LDAH: variants seen among roughly 807,000 people sequenced by gnomAD.
LDAH encodes lipid droplet-associated hydrolase.
LDAH carries 26 observed loss-of-function variants against 29.6 expected under a neutral mutation model. That is an observed-to-expected ratio of 0.88 (90% confidence interval 0.64 to 1.22). LDAH has a LOEUF of 1.22. Ranked by LOEUF, LDAH falls within the 50% of genes most tolerant of loss-of-function variation. The pLI is 0.00. For missense variants in LDAH, 344 were observed against 387.3 expected, an observed-to-expected ratio of 0.89 and a Z score of 0.94; for synonymous variants, 117 against 133.0, an observed-to-expected ratio of 0.88 and a Z score of 0.83.
chr2:20,740,514 G>A (rs1278166723), intron 4 of LDAH, among the ~76,000 whole-genome samples: 1 of 152,032 alleles, frequency 6.6e-6, no homozygotes, highest in African/African-American at 2.4e-5. Flanking sequence ...TCCCTGTGTT[G>A]CCCAGGCTGG....
At chr2:20,713,845 T>A (rs184097586) in intron 5 of LDAH, among the ~76,000 whole-genome samples, 5 of 152,140 alleles carry the variant, frequency 3.3e-5, no homozygotes, top group African/African-American at 9.7e-5. Flanking sequence ...CCTAAATATA[T>A]ATGCAACCAA....
At chr2:20,820,030 C>A (rs1098152) in intron 1 of LDAH, among the ~76,000 whole-genome samples, 1 of 150,430 alleles carries the variant, frequency 6.6e-6, no homozygotes, top group South Asian at 2.1e-4. Flanking sequence ...TCAAAGAGAA[C>A]AAAATACCTA....
At chr2:20,801,506 T>C in intron 1 of LDAH, 41 bp from the exon 2 acceptor site, 1 of 1,559,690 alleles carries the variant, frequency 6.4e-7, no homozygotes, top group Non-Finnish European at 8.8e-7. Context: ...GTCAGTAAAA[T>C]GTAAAACCTT....
At chr2:20,803,757 T>C (rs1368467598) in intron 1 of LDAH, among the ~76,000 whole-genome samples, 1 of 152,228 alleles carries the variant, frequency 6.6e-6, no homozygotes, top group Non-Finnish European at 1.5e-5. Flanking sequence ...CTGAACCTCA[T>C]TTCAATTCCG....
At chr2:20,788,516 C>T (rs994048307) in intron 3 of LDAH, among the ~76,000 whole-genome samples, 1 of 152,176 alleles carries the variant, frequency 6.6e-6, no homozygotes, top group South Asian at 2.1e-4. Context: ...CAACCTTGTA[C>T]ATCAATGTCT....
rs1381437539 is a variant in LDAH, at chr2:20,684,929, A to T, written c.*1974T>A. ...TTGAAATCTGATTCTTCCACCTATG[A>T]AAAAAGCAATGAGAAAGGTGGCTTT... is the stretch of plus-strand genomic sequence containing the variant. On this transcript the variant is annotated 3_prime_UTR_variant, in exon 7 of 7. Transcript: ENST00000237822. 1.9e-6 allele frequency: 3 copies of T among 1,549,660 alleles called. No homozygotes were observed. In the African/African-American group the frequency reaches 4.1e-5, roughly 21 times the overall value.
chr2:20,708,275 C>T (rs1175367010), intron 5 of LDAH, among the ~76,000 whole-genome samples: 1 of 152,144 alleles, frequency 6.6e-6, no homozygotes, highest in Non-Finnish European at 1.5e-5. Flanking sequence ...CTAGAGAACT[C>T]AGAGAGGTTT....
At chr2:20,767,835 C>A (rs1056814304) in intron 4 of LDAH, among the ~76,000 whole-genome samples, 1 of 152,202 alleles carries the variant, frequency 6.6e-6, no homozygotes, top group African/African-American at 2.4e-5. Flanking sequence ...GACAGAGAGA[C>A]AATGGGATGA....
intron 2 of LDAH, among the ~76,000 whole-genome samples, chr2:20,790,895 A>T (rs1016299700): frequency 6.6e-6 from 1 of 152,224 alleles, no homozygotes; most frequent in Non-Finnish European, 1.5e-5. Flanking sequence ...TGCTATAAAG[A>T]AACAATAAAT....
chr2:20,785,695 T>A (rs11679423), intron 3 of LDAH, among the ~76,000 whole-genome samples: 12,829 of 152,306 alleles, frequency 0.084, 769 homozygotes, highest in Non-Finnish European at 0.13. Context: ...TTGGATGTGC[T>A]GTACTTTTAT....
intron 5 of LDAH, among the ~76,000 whole-genome samples, chr2:20,738,984 G>GC (rs1367854322): frequency 2.0e-5 from 3 of 152,188 alleles, no homozygotes; most frequent in African/African-American, 7.2e-5. Flanking sequence ...ATTAACAAGG[G>GC]CAACAGCACC....
chr2:20,693,352 T>C (rs1390203246), intron 6 of LDAH, among the ~76,000 whole-genome samples: 1 of 152,234 alleles, frequency 6.6e-6, no homozygotes, highest in African/African-American at 2.4e-5. Flanking sequence ...ATATATTCTA[T>C]TCTGATAAGT....
intron 5 of LDAH, among the ~76,000 whole-genome samples, chr2:20,737,268 T>C (rs1337798313): frequency 6.6e-6 from 1 of 152,212 alleles, no homozygotes; most frequent in African/African-American, 2.4e-5. Context: ...GTTTTATAGA[T>C]AATATCCATG....
chr2:20,751,670 G>C (rs1327891961), intron 4 of LDAH, among the ~76,000 whole-genome samples: 1 of 152,036 alleles, frequency 6.6e-6, no homozygotes, highest in African/African-American at 2.4e-5. Flanking sequence ...ATTTCAGGGG[G>C]AAAAACTTCC....
intron 1 of LDAH, among the ~76,000 whole-genome samples, chr2:20,821,510 G>A (rs1188645824): frequency 5.3e-5 from 8 of 152,024 alleles, no homozygotes; most frequent in East Asian, 1.9e-4. Context: ...GCAAACTATC[G>A]CAAGGACAAA....
At position 20,790,458 on chromosome 2, in the gene LDAH, C is replaced by T. The variant is rs571236504; in HGVS notation, c.155-60G>A. 861 of 1,446,232 alleles carry T rather than the reference C, an allele frequency of 6.0e-4. 4 individuals carry two copies. The highest frequency in any genetic ancestry group is 1.6e-3 in the African/African-American group (113 of 70,118). The allele number at this position is 1,446,232 out of a possible 1,614,324, so 89.6% of individuals were successfully genotyped here. A position where few individuals can be genotyped will look rare whatever the true frequency, so the allele number is the denominator to read the frequency against. The stretch of plus-strand genomic sequence containing the variant: ...AGTAATAAACAGGCATAAGATGACA[C>T]GCAGGCTAGAAAAGATGGGTCTGTT... On this transcript the variant is annotated intron_variant, in intron 2 of 6. Transcript: ENST00000237822.
rs1156945266 is a variant in LDAH at position 20,686,272 on chromosome 2, C to G, written c.*631G>C. 1 of 152,642 alleles carries G rather than the reference C, an allele frequency of 6.6e-6. No homozygotes were observed. Among genetic ancestry groups the G allele is most frequent in the East Asian group, 1.9e-4 (1 of 5,202 alleles). The allele number at this position is 152,642 out of a possible 1,614,324, so 9.5% of individuals were successfully genotyped here. The stretch of plus-strand genomic sequence containing the variant: ...AACAATTCTTTATCTGGTTAGCTGA[C>G]CAGAGTAATGTCTGGTGAACTTTAT... On this transcript the variant is annotated 3_prime_UTR_variant, in exon 7 of 7. Transcript: ENST00000237822.
At chr2:20,705,469 T>G (rs540901653) in intron 5 of LDAH, among the ~76,000 whole-genome samples, 79 of 152,320 alleles carry the variant, frequency 5.2e-4, no homozygotes, top group Non-Finnish European at 7.9e-4. Context: ...TATTATTTCT[T>G]TGGTAATTTC....
chr2:20,808,726 C>T (rs1672263740), intron 1 of LDAH, among the ~76,000 whole-genome samples: 1 of 151,408 alleles, frequency 6.6e-6, no homozygotes, highest in Non-Finnish European at 1.5e-5. Flanking sequence ...GGACTTTACC[C>T]TATATCCAGG....
Sources: allele counts gnomAD v4.1 joint callset (sites outside exome capture counted in the v4.1 genomes callset), GRCh38; gene constraint gnomAD v4.1.1; transcripts MANE v1.5; gene names NCBI Gene and HGNC (gene_info 2026-07-23, HGNC 2026-07-21).